Variants in UBE2O observed in about 807,000 individuals in gnomAD.
The protein encoded by UBE2O is ubiquitin conjugating enzyme E2 O, also known as (E3-independent) E2 ubiquitin-conjugating enzyme.
A neutral mutation model predicts 125.8 loss-of-function variants in UBE2O; 15 were observed. The observed-to-expected ratio is 0.12, with a 90% CI of 0.08 to 0.18. The LOEUF is 0.18. Among genes scored for constraint, UBE2O ranks in the 10% least tolerant of loss-of-function variants. UBE2O has a pLI of 1.00. For missense variants in UBE2O, 1,280 were observed against 1,723.6 expected, an observed-to-expected ratio of 0.74 and a Z score of 4.56; for synonymous variants, 708 against 703.2, an observed-to-expected ratio of 1.01 and a Z score of -0.11.
chr17:76,402,030 A>G lies in UBE2O; in HGVS notation c.750+34T>C. On this transcript the variant is annotated intron_variant, in intron 5 of 17. Transcript: ENST00000319380. The surrounding 1 kb of genome is among the most constrained non-coding windows in gnomAD (Gnocchi z 5.4). ...CCTCCTTCCAGAGGACTGAGCAATC[A>G]GAGAAGGGTGCTGGCCTGGATGGAG... 1 of 1,608,772 alleles carries G rather than the reference A, an allele frequency of 6.2e-7. No homozygotes were observed. Among genetic ancestry groups the G allele is most frequent in the Non-Finnish European group, 8.5e-7 (1 of 1,177,442 alleles).
intron 1 of UBE2O, among the ~76,000 whole-genome samples, chr17:76,416,203 T>C (rs2072614085): frequency 6.6e-6 from 1 of 150,900 alleles, no homozygotes; most frequent in Non-Finnish European, 1.5e-5. Flanking sequence ...TGTGTATATG[T>C]GTGTGTATAT....
At chr17:76,449,706 G>A (rs1474707720) in intron 1 of UBE2O, among the ~76,000 whole-genome samples, 1 of 151,976 alleles carries the variant, frequency 6.6e-6, no homozygotes, top group African/African-American at 2.4e-5. Context: ...ATCACCTGAG[G>A]TCAGGAGTTC....
In UBE2O at chr17:76,396,138, C is replaced by T. The variant is rs747550257; in HGVS notation, c.2799G>A (p.Glu933=). ...CAAGGGCTGACTCACAGGGTGCAAACTCCAGTACGGAGAAGACCTCGCCCT... is the reference window on the plus strand; with the variant it reads ...CAAGGGCTGACTCACAGGGTGCAAATTCCAGTACGGAGAAGACCTCGCCCT... ...SAKGEVFSVL[E]FAPSNHSFKK... The change falls in exon 14 of 18, where the codon GAG becomes GAA. Residue 933 remains glutamate, a synonymous_variant. Transcript: ENST00000319380. The surrounding 1 kb of genome is among the most constrained non-coding windows in gnomAD (Gnocchi z 6.7). The T allele has an allele frequency of 8.1e-6, 13 of 1,612,012 alleles. No homozygotes were observed. Among genetic ancestry groups the T allele is most frequent in the Non-Finnish European group, 1.1e-5 (13 of 1,179,014 alleles).
chr17:76,411,346 T>A (rs535400155), intron 1 of UBE2O, among the ~76,000 whole-genome samples: 3 of 152,304 alleles, frequency 2.0e-5, no homozygotes. Flanking sequence ...CATGTCCCTG[T>A]AGGAGCGGAT....
chr17:76,435,702 A>G (rs73996379), intron 1 of UBE2O, among the ~76,000 whole-genome samples: 3,752 of 152,268 alleles, frequency 0.025, 78 homozygotes, highest in African/African-American at 0.055. Context: ...ACAGGTCTAC[A>G]TGCCCTCTCT....
At position 76,402,029 on chromosome 17, in the gene UBE2O, C is replaced by A; in HGVS notation, c.750+35G>T. 6.2e-7 allele frequency: 1 copy of A among 1,608,444 alleles called. No individual in the cohort carries two copies. Among genetic ancestry groups the A allele is most frequent in the Non-Finnish European group, 8.5e-7 (1 of 1,177,334 alleles). Reference sequence around the variant, plus strand: ...TCCTCCTTCCAGAGGACTGAGCAATCAGAGAAGGGTGCTGGCCTGGATGGA... The same window carrying A: ...TCCTCCTTCCAGAGGACTGAGCAATAAGAGAAGGGTGCTGGCCTGGATGGA... On this transcript the variant is annotated intron_variant, in intron 5 of 17. Transcript: ENST00000319380. This position sits in a 1 kb window ranked among gnomAD's most constrained non-coding sequence, Gnocchi z 5.4.
chr17:76,391,338 C>G lies in UBE2O; in HGVS notation c.3484G>C (p.Val1162Leu), dbSNP rs142843663. The G allele has an allele frequency of 1.2e-6, 2 of 1,613,022 alleles. No homozygotes were observed. The highest frequency in any genetic ancestry group is 1.7e-6 in the Non-Finnish European group (2 of 1,180,036). ...TCTGGCGAGCTGCTGGCCTTGGGCA[C>G]CCCGTTGGGCAGTGCCTGGGCCTTC... ...LEKAQALPNG[V>L]PKASSSPEPP... is the part of the protein sequence containing the mutation. The change falls in exon 18 of 18, where the codon GTG becomes CTG. Residue 1162 changes from valine to leucine, a missense_variant. Transcript: ENST00000319380. This position sits in a 1 kb window ranked among gnomAD's most constrained non-coding sequence, Gnocchi z 8.4.
intron 1 of UBE2O, among the ~76,000 whole-genome samples, chr17:76,427,292 C>T (rs1298774652): frequency 6.6e-6 from 1 of 152,192 alleles, no homozygotes; most frequent in African/African-American, 2.4e-5. Context: ...TTTAACATTT[C>T]CACTGGGGTT....
intron 1 of UBE2O, among the ~76,000 whole-genome samples, chr17:76,437,149 TAA>T (rs35867938): frequency 1.1e-4 from 14 of 129,062 alleles, no homozygotes; most frequent in Non-Finnish European, 1.1e-4. Flanking sequence ...ACTCCATCTT[TAA>T]AAAAAAAAAA....
rs578159973 is a variant in UBE2O at position 76,405,731 on chromosome 17, G to A, written c.418-159C>T. 2.6e-4 allele frequency among the ~76,000 whole-genome samples: 39 copies of A among 152,256 alleles called. No individual in the cohort carries two copies. Among genetic ancestry groups the A allele is most frequent in the African/African-American group, 7.0e-4 (29 of 41,568 alleles). On this transcript the variant is annotated intron_variant, in intron 1 of 17. Coordinates refer to ENST00000319380, the MANE Select transcript of UBE2O (RefSeq NM_022066.4). This position sits in a 1 kb window ranked among gnomAD's most constrained non-coding sequence, Gnocchi z 6.1. ...ATCTTCACAGACCGCACACACCTCCGACCAGCACCCAGACCCACAGGCAGA... is the reference window on the plus strand; with the variant it reads ...ATCTTCACAGACCGCACACACCTCCAACCAGCACCCAGACCCACAGGCAGA...
intron 1 of UBE2O, among the ~76,000 whole-genome samples, chr17:76,408,216 C>G (rs1039588377): frequency 7.9e-5 from 12 of 152,220 alleles, no homozygotes; most frequent in African/African-American, 2.9e-4. Context: ...CCTTTCAGTG[C>G]CCCCGTCAGG....
Position 76,400,612 on chromosome 17 carries a change from G to T in UBE2O, c.895-62C>A. On this transcript the variant is annotated intron_variant, in intron 6 of 17. Transcript: ENST00000319380. The surrounding 1 kb of genome is among the most constrained non-coding windows in gnomAD (Gnocchi z 4.3). ...GCTCTGACAGCACTCTCTTTAGCCAGCTGCCCAAAGCCCACTTGACCTCCA... is the reference window on the plus strand; with the variant it reads ...GCTCTGACAGCACTCTCTTTAGCCATCTGCCCAAAGCCCACTTGACCTCCA... 8.6e-7 allele frequency: 1 copy of T among 1,159,572 alleles called. No individual in the cohort carries two copies. 71.8% of individuals were successfully genotyped at this position (1,159,572 alleles called of 1,614,324 possible). A position where few individuals can be genotyped will look rare whatever the true frequency, so the allele number is the denominator to read the frequency against.
At chr17:76,394,504 GATC>G (rs1171464480) in intron 15 of UBE2O, among the ~76,000 whole-genome samples, 4 of 152,200 alleles carry the variant, frequency 2.6e-5, no homozygotes, top group Non-Finnish European at 5.9e-5. Context: ...GAAGAAACTA[GATC>G]ATTATGAATC....
Position 76,396,539 on chromosome 17 carries a change from C to T in UBE2O, c.2398G>A (p.Glu800Lys). The T allele has an allele frequency of 6.2e-7, 1 of 1,612,854 alleles. No homozygotes were observed. Among genetic ancestry groups the T allele is most frequent in the South Asian group, 1.1e-5 (1 of 90,944 alleles). The change falls in exon 14 of 18, where the codon GAG (glutamate) becomes AAG (lysine). Residue 800 changes from glutamate to lysine, a missense_variant. Coordinates refer to ENST00000319380, the MANE Select transcript of UBE2O (RefSeq NM_022066.4). This position sits in a 1 kb window ranked among gnomAD's most constrained non-coding sequence, Gnocchi z 6.7. ...GGTGGCCCGTCCTTGCCAGCCTTCT[C>T]CATCAGCCCGGCCATGGGGGCAGCC... Reference protein sequence around the residue: ...AMAAPMAGLMEKAGKDGPPKS... With the variant: ...AMAAPMAGLMKKAGKDGPPKS...
intron 1 of UBE2O, among the ~76,000 whole-genome samples, chr17:76,419,238 C>T (rs567749309): frequency 4.5e-4 from 60 of 134,606 alleles, no homozygotes; most frequent in African/African-American, 1.6e-3. Context: ...GAGCCACGAT[C>T]GCACCACTGC....
At chr17:76,420,790 A>G (rs891311516) in intron 1 of UBE2O, among the ~76,000 whole-genome samples, 1 of 152,132 alleles carries the variant, frequency 6.6e-6, no homozygotes, top group African/African-American at 2.4e-5. Flanking sequence ...CAGCATTCAA[A>G]ATCGGCCTGC....
chr17:76,413,832 T>C (rs1228425173), intron 1 of UBE2O, among the ~76,000 whole-genome samples: 1 of 152,194 alleles, frequency 6.6e-6, no homozygotes, highest in Non-Finnish European at 1.5e-5. Context: ...GAACTTTAAC[T>C]TTCTGACCTG....
At chr17:76,421,439 C>CA (rs2072709576) in intron 1 of UBE2O, among the ~76,000 whole-genome samples, 1 of 152,098 alleles carries the variant, frequency 6.6e-6, no homozygotes, top group Non-Finnish European at 1.5e-5. Flanking sequence ...GTGATCTCGG[C>CA]ACACCATAGC....
At position 76,396,229 on chromosome 17, in the gene UBE2O, G is replaced by C. The variant is rs1296055264; in HGVS notation, c.2708C>G (p.Pro903Arg). The change falls in exon 14 of 18, where the codon CCC becomes CGC. Residue 903 changes from proline to arginine, a missense_variant. Around this residue, in one of 10 missense-constraint regions of UBE2O, gnomAD observed 116 missense variants for 154.8 expected, o/e 0.75. Transcript: ENST00000319380. The surrounding 1 kb of genome is among the most constrained non-coding windows in gnomAD (Gnocchi z 6.7). ...EGQSPVKAEW[P>R]SETPVLCQQC... The stretch of plus-strand genomic sequence containing the variant: ...CTGGCACAGCACCGGGGTTTCGCTG[G>C]GCCACTCAGCCTTCACAGGTGACTG... 17 of 1,614,058 alleles carry C rather than the reference G, an allele frequency of 1.1e-5. No homozygotes were observed. Among genetic ancestry groups the C allele is most frequent in the African/African-American group, 2.7e-5 (2 of 74,936 alleles).
Sources: allele counts gnomAD v4.1 joint callset (sites outside exome capture counted in the v4.1 genomes callset), GRCh38; gene constraint gnomAD v4.1.1; regional missense constraint gnomAD v4.1.1; non-coding constraint Gnocchi (gnomAD v3.1); transcripts MANE v1.5; gene names NCBI Gene and HGNC (gene_info 2026-07-23, HGNC 2026-07-21).